TMEM132E: variants seen among roughly 807,000 people sequenced by gnomAD.
TMEM132E encodes transmembrane protein 132E.
Under a neutral mutation model 78.5 loss-of-function variants are expected in TMEM132E, and 49 were observed. That is an observed-to-expected ratio of 0.62 (90% confidence interval 0.50 to 0.79). The LOEUF (loss-of-function observed/expected upper bound fraction) is 0.79. TMEM132E is among the 30% of genes least tolerant of loss of function. The pLI is 0.00. For missense variants in TMEM132E, 1,403 were observed against 1,470.9 expected (o/e 0.95, Z 0.75); for synonymous variants, 715 against 670.6 (o/e 1.07, Z -1.02).
At chr17:34,581,342 G>C (rs961269205) in intron 1 of TMEM132E, among the ~76,000 whole-genome samples, 199 bp downstream of exon 1, 3 of 149,680 alleles carry the variant, frequency 2.0e-5, no homozygotes, top group African/African-American at 7.3e-5. Context: ...CGAGCCCGGC[G>C]CCAGAAAAGG....
chr17:34,627,235 A>T (rs1264951059), intron 2 of TMEM132E, among the ~76,000 whole-genome samples, 178 bp downstream of exon 2: 3 of 152,170 alleles, frequency 2.0e-5, no homozygotes, highest in Non-Finnish European at 4.4e-5. Context: ...CGCTTATTGG[A>T]GCCTCAAGGC....
rs772995085 is a variant in TMEM132E at position 34,638,258 on chromosome 17, C to CA, written c.*26_*27insA. The CA allele has an allele frequency of 2.7e-5, 38 of 1,411,040 alleles. No homozygotes were observed. In the South Asian group the frequency reaches 2.9e-4, roughly 11 times the overall value. The allele number at this position is 1,411,040 out of a possible 1,614,324, so 87.4% of individuals were successfully genotyped here. On this transcript the variant is annotated 3_prime_UTR_variant, in exon 9 of 9. Coordinates refer to ENST00000631683, the MANE Select transcript of TMEM132E (RefSeq NM_001304438.2). ...AGGCGCCAGCCGGAGTAGCAGGGACCCCCCCCCCCAACGGGGTCAGCTCGG... is the reference window on the plus strand; with the variant it reads ...AGGCGCCAGCCGGAGTAGCAGGGACCACCCCCCCCCAACGGGGTCAGCTCGG...
Position 34,638,263 on chromosome 17 carries a change from C to CCG in TMEM132E, c.*32_*33insGC. On this transcript the variant is annotated 3_prime_UTR_variant, in exon 9 of 9. Transcript: ENST00000631683. ...CCAGCCGGAGTAGCAGGGACCCCCCCCCCCAACGGGGTCAGCTCGGGGTAG... is the reference window on the plus strand; with the variant it reads ...CCAGCCGGAGTAGCAGGGACCCCCCCCGCCCCAACGGGGTCAGCTCGGGGTAG... The CCG allele has an allele frequency of 1.4e-6, 2 of 1,473,878 alleles. No homozygotes were observed. The highest frequency in any genetic ancestry group is 2.5e-5 in the East Asian group (1 of 39,714). 91.3% of individuals were successfully genotyped at this position (1,473,878 alleles called of 1,614,324 possible). A position where few individuals can be genotyped will look rare whatever the true frequency, so the allele number is the denominator to read the frequency against.
At chr17:34,611,537 TG>T (rs1906594255) in intron 1 of TMEM132E, among the ~76,000 whole-genome samples, 1 of 152,172 alleles carries the variant, frequency 6.6e-6, no homozygotes, top group South Asian at 2.1e-4. Context: ...ATCAATATCG[TG>T]CCAAGAGAAA....
At chr17:34,615,212 G>A (rs1174073388) in intron 1 of TMEM132E, among the ~76,000 whole-genome samples, 1 of 150,030 alleles carries the variant, frequency 6.7e-6, no homozygotes, top group Non-Finnish European at 1.5e-5. Context: ...GGGTCTCATG[G>A]CCACCTGTCC....
intron 1 of TMEM132E, among the ~76,000 whole-genome samples, chr17:34,619,709 C>A (rs140965347): frequency 1.3e-5 from 2 of 150,788 alleles, no homozygotes; most frequent in African/African-American, 4.9e-5. Flanking sequence ...GCTTCATAAA[C>A]GTGGATACCA....
chr17:34,627,651 T>C (rs1907205029), intron 2 of TMEM132E, among the ~76,000 whole-genome samples: 1 of 152,148 alleles, frequency 6.6e-6, no homozygotes, highest in African/African-American at 2.4e-5. Context: ...AAAATGATAA[T>C]ATTTCACACT....
intron 1 of TMEM132E, among the ~76,000 whole-genome samples, chr17:34,590,144 C>G (rs1329871413): frequency 6.6e-6 from 1 of 152,226 alleles, no homozygotes; most frequent in Admixed American, 6.5e-5. Context: ...CCAGCCACCA[C>G]TGACCACACA....
Position 34,638,143 on chromosome 17 carries a change from TG to T in TMEM132E, c.3140del (p.Gly1047AlafsTer57). 1.2e-6 allele frequency: 2 copies of T among 1,610,038 alleles called. No homozygotes were observed. Among genetic ancestry groups the T allele is most frequent in the Non-Finnish European group, 1.7e-6 (2 of 1,178,916 alleles). ...EDEEEEEDLG[W>X]GCPDVAGPTR... ...CGAGGAGGAGGAAGAGGACCTGGGTTGGGGCTGCCCGGATGTGGCGGGCCCC... is the reference window on the plus strand; with the variant it reads ...CGAGGAGGAGGAAGAGGACCTGGGTTGGGCTGCCCGGATGTGGCGGGCCCC... On this transcript the variant is annotated frameshift_variant, in exon 9 of 9. Coordinates refer to ENST00000631683, the MANE Select transcript of TMEM132E (RefSeq NM_001304438.2). LOFTEE classifies it high-confidence loss of function.
intron 1 of TMEM132E, among the ~76,000 whole-genome samples, chr17:34,583,089 G>A (rs1209610172): frequency 6.6e-6 from 1 of 152,144 alleles, no homozygotes; most frequent in Non-Finnish European, 1.5e-5. Flanking sequence ...TTTTCCTTAG[G>A]CACCAGTGCC....
intron 5 of TMEM132E, among the ~76,000 whole-genome samples, chr17:34,630,434 T>C (rs1907314906): frequency 6.6e-6 from 1 of 151,906 alleles, no homozygotes; most frequent in Admixed American, 6.5e-5. Flanking sequence ...GGATATTGCT[T>C]TGGCCAGTCC....
At position 34,626,154 on chromosome 17, in the gene TMEM132E, C is replaced by T. The variant is rs868256899; in HGVS notation, c.95C>T (p.Pro32Leu). The T allele has an allele frequency of 1.4e-5, 21 of 1,545,842 alleles. No individual in the cohort carries two copies. Among genetic ancestry groups the T allele is most frequent in the Non-Finnish European group, 1.7e-5 (20 of 1,148,314 alleles). Reference sequence around the variant, plus strand: ...TCTGGCCGCTCCCACCCGGCCAGCCCCAGCCCGCCGGGGCCGCAGGCCAGC... The same window carrying T: ...TCTGGCCGCTCCCACCCGGCCAGCCTCAGCCCGCCGGGGCCGCAGGCCAGC... ...HASGRSHPAS[P>L]SPPGPQASPV... The change falls in exon 2 of 9, where the codon CCC (proline) becomes CTC (leucine). Residue 32 changes from proline to leucine, a missense_variant. Pro to Leu is a moderately conservative substitution (Grantham distance 98). Around this residue, in one of 3 missense-constraint regions of TMEM132E, gnomAD observed 511 missense variants for 499.0 expected, o/e 1.02. Transcript: ENST00000631683.
chr17:34,626,525 T>A lies in TMEM132E; in HGVS notation c.466T>A (p.Phe156Ile). The change falls in exon 2 of 9, where the codon TTC (phenylalanine) becomes ATC (isoleucine). Residue 156 changes from phenylalanine to isoleucine, a missense_variant. Coordinates refer to ENST00000631683, the MANE Select transcript of TMEM132E (RefSeq NM_001304438.2). ...CGTAGCCGGCCGGGACTGGGACGAC[T>A]TCGGCGTCACCGAGCGGCTGCCCTG... Reference protein sequence around the residue: ...FYVAGRDWDDFGVTERLPCVR... With the variant: ...FYVAGRDWDDIGVTERLPCVR... 1.2e-6 allele frequency: 2 copies of A among 1,604,532 alleles called. No individual in the cohort carries two copies. Among genetic ancestry groups the A allele is most frequent in the Non-Finnish European group, 1.7e-6 (2 of 1,178,186 alleles).
rs1380136394 is a variant in TMEM132E at position 34,638,405 on chromosome 17, T to A, written c.*173T>A. 3 of 666,264 alleles carry A rather than the reference T, an allele frequency of 4.5e-6. No individual in the cohort carries two copies. In the African/African-American group the frequency reaches 5.5e-5, roughly 12 times the overall value. The allele number at this position is 666,264 out of a possible 1,614,324, so 41.3% of individuals were successfully genotyped here. On this transcript the variant is annotated 3_prime_UTR_variant, in exon 9 of 9. Transcript: ENST00000631683. ...GCCGCCTCAGTGTCTGGGCCTTCCC[T>A]CGCCTCACGCCATTACCCTCTTCTG...
rs756365611 is a variant in TMEM132E, at chr17:34,628,581, T to G, written c.1017T>G (p.Gly339=). ...GTCCCAGGGTGAAGGCCAAGAAGGG[T>G]GTGACCCTTTTAGGTACCAAGTCAC... ...HFTLRVKAKK[G]VTLLGTKSRS... The change falls in exon 3 of 9, where the codon GGT becomes GGG. Residue 339 remains glycine (G), a synonymous_variant. Transcript: ENST00000631683. 1.2e-6 allele frequency: 2 copies of G among 1,613,958 alleles called. No individual in the cohort carries two copies. Among genetic ancestry groups the G allele is most frequent in the East Asian group, 4.5e-5 (2 of 44,854 alleles).
intron 4 of TMEM132E, among the ~76,000 whole-genome samples, 163 bp from the exon 5 acceptor site, chr17:34,629,845 G>A (rs1207649069): frequency 6.6e-6 from 1 of 152,156 alleles, no homozygotes; most frequent in Non-Finnish European, 1.5e-5. Flanking sequence ...AGGAGTGCCA[G>A]GAGGGGTGGT....
At chr17:34,619,481 C>T (rs1411875124) in intron 1 of TMEM132E, among the ~76,000 whole-genome samples, 2 of 148,368 alleles carry the variant, frequency 1.3e-5, no homozygotes, top group East Asian at 2.0e-4. Flanking sequence ...TGCCCCCTCT[C>T]ATTCATTCAT....
At chr17:34,616,767 C>T (rs902774273) in intron 1 of TMEM132E, among the ~76,000 whole-genome samples, 1 of 152,166 alleles carries the variant, frequency 6.6e-6, no homozygotes, top group Non-Finnish European at 1.5e-5. Flanking sequence ...GGGAGGCACT[C>T]ATCCCTCTGT....
intron 1 of TMEM132E, among the ~76,000 whole-genome samples, chr17:34,615,466 G>A (rs896832191): frequency 1.3e-5 from 2 of 151,828 alleles, no homozygotes; most frequent in Admixed American, 6.6e-5. Flanking sequence ...TAGGATAGAT[G>A]TCCCAGGATG....
Sources: gnomAD v4.1 joint callset for allele counts (sites outside exome capture counted in the v4.1 genomes callset) on GRCh38, gnomAD v4.1.1 for gene constraint, gnomAD v4.1.1 regional missense constraint, MANE v1.5 for transcripts, NCBI Gene and HGNC (gene_info 2026-07-23, HGNC 2026-07-21) for gene names.